The following DBNDD1 variants were observed in gnomAD, a reference collection of about 807,000 sequenced individuals.
DBNDD1 encodes dysbindin domain-containing protein 1.
A neutral mutation model predicts 17.0 loss-of-function variants in DBNDD1; 14 were observed. The ratio of observed to expected loss-of-function variants is 0.82; its 90% CI spans 0.54 to 1.29. The LOEUF is 1.29. Ranked by LOEUF, DBNDD1 falls within the 50% of genes most tolerant of loss-of-function variation. The probability of loss-of-function intolerance (pLI) is 0.00; values close to 1 mark genes in which losing one functional copy is unlikely to be tolerated. For missense variants in DBNDD1, 221 were observed against 216.2 expected (o/e 1.02, Z -0.14); for synonymous variants, 105 against 102.0 (o/e 1.03, Z -0.18).
At chr16:90,009,644 T>C (rs1478674322) in intron 1 of DBNDD1, 2 of 678,586 alleles carry the variant, frequency 2.9e-6, no homozygotes, top group African/African-American at 1.8e-5. Flanking sequence ...CCTTGGGCCC[T>C]GGCCTCCCCT....
upstream of DBNDD1, chr16:90,019,795 G>T (rs1163789733): frequency 1.5e-6 from 1 of 689,606 alleles, no homozygotes; most frequent in Non-Finnish European, 2.6e-6. This position sits in a 1 kb window ranked among gnomAD's most constrained non-coding sequence, Gnocchi z 6.1. Flanking sequence ...CGCCGACTGT[G>T]TGCGGGCGCC....
chr16:90,006,626 A>G, intron 3 of DBNDD1, 134 bp from the exon 4 acceptor site: 1 of 1,171,566 alleles, frequency 8.5e-7, no homozygotes, highest in Non-Finnish European at 1.2e-6. Flanking sequence ...AGGCATGCAC[A>G]CATCTACCTC....
At chr16:90,017,095 C>G (rs1447808853) in intron 1 of DBNDD1, among the ~76,000 whole-genome samples, 2 of 152,244 alleles carry the variant, frequency 1.3e-5, no homozygotes, top group Admixed American at 6.5e-5. Flanking sequence ...AGAGAGGGCA[C>G]AGGTCACATT....
rs747973338 is a variant in DBNDD1, at chr16:90,006,385, C to T, written c.427G>A (p.Ala143Thr). 16 of 1,608,346 alleles carry T rather than the reference C, an allele frequency of 9.9e-6. No individual in the cohort carries two copies. Among genetic ancestry groups the T allele is most frequent in the South Asian group, 7.7e-5 (7 of 90,786 alleles). The change falls in exon 4 of 4, where the codon GCC becomes ACC. Residue 143 changes from alanine to threonine, a missense_variant. Transcript: ENST00000002501. ...GTGAGAAACGTGTCCAGGACTGTGG[C>T]CTGCCGCTCGGGGTCGCCTAGGGGC... ...KQPLGDPERQ[A>T]TVLDTFLTVE...
At chr16:90,009,568 G>A in intron 1 of DBNDD1, 138 bp from the exon 2 acceptor site, 1 of 1,347,926 alleles carries the variant, frequency 7.4e-7, no homozygotes, top group Non-Finnish European at 1.0e-6. Flanking sequence ...TGGGATGGCT[G>A]GGCTTGTGGC....
In DBNDD1 at chr16:90,006,380, T is replaced by G; in HGVS notation, c.432A>C (p.Thr144=). 6.2e-7 allele frequency: 1 copy of G among 1,608,930 alleles called. No homozygotes were observed. Among genetic ancestry groups the G allele is most frequent in the Non-Finnish European group, 8.5e-7 (1 of 1,179,692 alleles). The change falls in exon 4 of 4, where the codon ACA becomes ACC. Residue 144 remains threonine, a synonymous_variant. Coordinates refer to ENST00000002501, the MANE Select transcript of DBNDD1 (RefSeq NM_001042610.3). ...CCACAGTGAGAAACGTGTCCAGGACTGTGGCCTGCCGCTCGGGGTCGCCTA... is the reference window on the plus strand; with the variant it reads ...CCACAGTGAGAAACGTGTCCAGGACGGTGGCCTGCCGCTCGGGGTCGCCTA... ...QPLGDPERQA[T]VLDTFLTVER...
chr16:90,012,379 C>T (rs1179754228), intron 1 of DBNDD1, among the ~76,000 whole-genome samples: 2 of 152,108 alleles, frequency 1.3e-5, no homozygotes, highest in East Asian at 3.9e-4. Context: ...CCCAGAGCAG[C>T]ACTCTGGGGT....
At chr16:90,016,695 C>G (rs1256609424) in intron 1 of DBNDD1, among the ~76,000 whole-genome samples, 6 of 152,170 alleles carry the variant, frequency 3.9e-5, no homozygotes, top group Non-Finnish European at 8.8e-5. Flanking sequence ...TGCTGATGCC[C>G]TGTGCTCTGC....
Position 90,005,697 on chromosome 16 carries a change from C to T in DBNDD1, c.*638G>A, listed in dbSNP as rs2151258036. ...ACGCAGGGGCCAAGAGAAGCAGGTG[C>T]AGGTCTTAGAGCTGAGCCTTGGGGA... is the stretch of plus-strand genomic sequence containing the variant. On this transcript the variant is annotated 3_prime_UTR_variant, in exon 4 of 4. Coordinates refer to ENST00000002501, the MANE Select transcript of DBNDD1 (RefSeq NM_001042610.3). 1 of 152,804 alleles carries T rather than the reference C, an allele frequency of 6.5e-6. No homozygotes were observed. Among genetic ancestry groups the T allele is most frequent in the African/African-American group, 2.4e-5 (1 of 41,566 alleles). The allele number at this position is 152,804 out of a possible 1,614,324, so 9.5% of individuals were successfully genotyped here.
intron 1 of DBNDD1, among the ~76,000 whole-genome samples, chr16:90,012,368 C>G (rs77371051): frequency 0.013 from 2,050 of 152,284 alleles, 54 homozygotes; most frequent in African/African-American, 0.047. Flanking sequence ...GACACCCTTA[C>G]CCCAGAGCAG....
intron 1 of DBNDD1, among the ~76,000 whole-genome samples, chr16:90,018,617 C>T (rs1454768976): frequency 6.6e-6 from 1 of 152,218 alleles, no homozygotes; most frequent in Non-Finnish European, 1.5e-5. Flanking sequence ...AGTCTCTGAT[C>T]GGGAAGGGGG....
At chr16:90,007,378 G>A (rs1296021583) in intron 3 of DBNDD1, 1 of 152,484 alleles carries the variant, frequency 6.6e-6, no homozygotes, top group African/African-American at 2.4e-5. Context: ...CCCATGCGGA[G>A]AAGGCTCGGC....
At chr16:90,016,968 G>A (rs922220740) in intron 1 of DBNDD1, among the ~76,000 whole-genome samples, 1 of 152,202 alleles carries the variant, frequency 6.6e-6, no homozygotes, top group Non-Finnish European at 1.5e-5. Flanking sequence ...GTATTTCAGG[G>A]ATGCTGGAGT....
At chr16:90,012,011 C>T (rs561916916) in intron 1 of DBNDD1, among the ~76,000 whole-genome samples, 1 of 152,352 alleles carries the variant, frequency 6.6e-6, no homozygotes, top group African/African-American at 2.4e-5. Flanking sequence ...GTGTTCATGT[C>T]CTGCTGGACT....
intron 1 of DBNDD1, chr16:90,010,057 T>G (rs1167250061): frequency 1.1e-5 from 17 of 1,601,818 alleles, no homozygotes; most frequent in Non-Finnish European, 1.5e-5. Context: ...TGTTTATTTA[T>G]TTTTTTTAGA....
chr16:90,009,425 C>T lies in DBNDD1; in HGVS notation c.37G>A (p.Val13Ile), dbSNP rs760338551. 9 of 1,611,078 alleles carry T rather than the reference C, an allele frequency of 5.6e-6. No individual in the cohort carries two copies. Among genetic ancestry groups the T allele is most frequent in the South Asian group, 3.3e-5 (3 of 91,084 alleles). ...PPEGAGTGEI[V>I]KEAEVPQAAL... ...GCCTGCGGCACCTCAGCCTCCTTAA[C>T]GATCTCTGCATCCAAAGACACAGTG... Residue 13 changes from valine (V) to isoleucine (I), a missense_variant, in exon 2 of 4, where the codon GTT becomes ATT. Transcript: ENST00000002501.
At chr16:90,010,564 C>T (rs1453959179) in intron 1 of DBNDD1, among the ~76,000 whole-genome samples, 1 of 142,296 alleles carries the variant, frequency 7.0e-6, no homozygotes. Flanking sequence ...TATTTTTACT[C>T]GTGATCCACC....
intron 1 of DBNDD1, chr16:90,010,221 T>C (rs2035527346): frequency 1.8e-6 from 1 of 569,204 alleles, no homozygotes. Flanking sequence ...AATTTTTGTA[T>C]TTTTAGTAGA....
Position 90,005,026 on chromosome 16 carries a change from T to C in DBNDD1, c.*1309A>G, listed in dbSNP as rs1407199074. 1.3e-5 allele frequency: 2 copies of C among 152,690 alleles called. No homozygotes were observed. Among genetic ancestry groups the C allele is most frequent in the African/African-American group, 4.8e-5 (2 of 41,468 alleles). 9.5% of individuals were successfully genotyped at this position (152,690 alleles called of 1,614,324 possible). On this transcript the variant is annotated 3_prime_UTR_variant, in exon 4 of 4. Transcript: ENST00000002501. The stretch of plus-strand genomic sequence containing the variant: ...TTATGGGACTGAAAGAGAAAGCTGC[T>C]GGGCTCTGTGTGACTGGAAACCAGG...
Sources: allele counts gnomAD v4.1 joint callset (sites outside exome capture counted in the v4.1 genomes callset), GRCh38; gene constraint gnomAD v4.1.1; non-coding constraint Gnocchi (gnomAD v3.1); transcripts MANE v1.5; gene names NCBI Gene and HGNC (gene_info 2026-07-23, HGNC 2026-07-21).